SLC33A2: variants seen among roughly 807,000 people sequenced by gnomAD.
The protein encoded by SLC33A2 is major facilitator superfamily domain containing 3.
the SLC33A2 span, chr8:144,510,081 A>G: frequency 1.1e-5 from 17 of 1,520,310 alleles, no homozygotes; most frequent in African/African-American, 2.1e-4. Context: ...GTGTGTCCCC[A>G]GGGGCTTGCA....
the SLC33A2 span, chr8:144,510,922 G>A: frequency 1.2e-6 from 2 of 1,601,822 alleles, no homozygotes; most frequent in Non-Finnish European, 8.5e-7. Context: ...ATGTAGCAGG[G>A]ACACAAGAGA....
the SLC33A2 span, chr8:144,509,858 G>C: frequency 6.5e-7 from 1 of 1,537,848 alleles, no homozygotes; most frequent in African/African-American, 1.4e-5. Flanking sequence ...CCACCTACTG[G>C]CTGGCCGCGG....
the SLC33A2 span, chr8:144,509,943 C>T: frequency 6.3e-7 from 1 of 1,592,184 alleles, no homozygotes; most frequent in Non-Finnish European, 8.5e-7. Flanking sequence ...CCACACCGCG[C>T]ACCTTCTGCG....
At chr8:144,510,820 C>T in the SLC33A2 span, 3 of 1,611,272 alleles carry the variant, frequency 1.9e-6, no homozygotes, top group Admixed American at 1.7e-5. Context: ...CCTATGTCTG[C>T]AGCACTTCTT....
At chr8:144,509,380 G>A in the SLC33A2 span, 2 of 1,521,506 alleles carry the variant, frequency 1.3e-6, no homozygotes, top group African/African-American at 1.4e-5. Flanking sequence ...CTGGTGCAGG[G>A]CCTGCCCTAC....
the SLC33A2 span, chr8:144,509,239 G>A: frequency 1.6e-6 from 2 of 1,255,198 alleles, no homozygotes; most frequent in Admixed American, 3.1e-5. Flanking sequence ...AAGCCATGCC[G>A]GGGTGTGGCC....
the SLC33A2 span, chr8:144,509,214 C>T: frequency 1.9e-6 from 2 of 1,058,914 alleles, no homozygotes; most frequent in Non-Finnish European, 2.6e-6. Context: ...CTGACTCTGC[C>T]CGGTCCCAGA....
chr8:144,509,776 C>T, the SLC33A2 span: 3 of 1,556,650 alleles, frequency 1.9e-6, no homozygotes, highest in African/African-American at 2.7e-5. Flanking sequence ...CTGGGGGCCG[C>T]GCTAGCTGGG....
the SLC33A2 span, chr8:144,510,535 A>G: frequency 6.2e-7 from 1 of 1,610,904 alleles, no homozygotes; most frequent in Non-Finnish European, 8.5e-7. Context: ...TACCCTGCCC[A>G]CCCACTTGTA....
chr8:144,509,497 C>T, the SLC33A2 span: 9 of 1,533,744 alleles, frequency 5.9e-6, no homozygotes, highest in South Asian at 2.4e-5. Flanking sequence ...CTCAAGCTGG[C>T]TTGGGCCCCG....
At chr8:144,509,480 G>A in the SLC33A2 span, 4 of 1,536,214 alleles carry the variant, frequency 2.6e-6, no homozygotes, top group Non-Finnish European at 3.5e-6. Context: ...TGTACGCTCC[G>A]TGGCTGCTCA....
the SLC33A2 span, chr8:144,509,947 T>C: frequency 1.2e-5 from 19 of 1,593,474 alleles, no homozygotes; most frequent in East Asian, 8.9e-5. Flanking sequence ...ACCGCGCACC[T>C]TCTGCGGGAC....
the SLC33A2 span, chr8:144,510,234 C>T: frequency 6.2e-6 from 9 of 1,455,348 alleles, no homozygotes; most frequent in African/African-American, 1.4e-5. Context: ...TGCCCCACTT[C>T]TCCCCCAGTA....
At chr8:144,510,182 C>G in the SLC33A2 span, 1 of 1,270,272 alleles carries the variant, frequency 7.9e-7, no homozygotes, top group East Asian at 2.5e-5. Flanking sequence ...TGTGTCTTGT[C>G]CGCCCCCAGC....
chr8:144,511,115 C>A, the SLC33A2 span: 1 of 1,610,428 alleles, frequency 6.2e-7, no homozygotes, highest in South Asian at 1.1e-5. Context: ...CTCATCCTCT[C>A]TGCCTTTCCC....
the SLC33A2 span, chr8:144,510,487 G>C: frequency 6.2e-6 from 10 of 1,612,524 alleles, no homozygotes; most frequent in Admixed American, 6.7e-5. Flanking sequence ...CCCTGGGTGG[G>C]ACCTTGCTGG....
chr8:144,510,586 C>A, the SLC33A2 span: 2 of 1,589,136 alleles, frequency 1.3e-6, no homozygotes, highest in East Asian at 2.3e-5. Flanking sequence ...CCATTTCCCA[C>A]CCCCATCCCA....
At chr8:144,511,032 GA>G in the SLC33A2 span, 1 of 1,604,066 alleles carries the variant, frequency 6.2e-7, no homozygotes. Context: ...AGCTGCTGGG[GA>G]AGCTGCTGCT....
At chr8:144,510,999 C>T in the SLC33A2 span, 4 of 1,601,148 alleles carry the variant, frequency 2.5e-6, no homozygotes, top group East Asian at 6.7e-5. Flanking sequence ...AGGCCACACA[C>T]TACAGCCTTC....
Sources: allele counts gnomAD v4.1 joint callset, GRCh38; gene constraint gnomAD v4.1.1; transcripts MANE v1.5; gene names NCBI Gene and HGNC (gene_info 2026-07-23, HGNC 2026-07-21).